Variants in EMILIN2 observed in about 807,000 individuals in gnomAD.
The protein encoded by EMILIN2 is EMILIN-2.
EMILIN2 carries 71 observed loss-of-function variants against 87.1 expected under a neutral mutation model. The observed-to-expected ratio is 0.82, with a 90% confidence interval of 0.67 to 0.99. The LOEUF is 0.99. Among genes scored for constraint, EMILIN2 ranks in the 50% least tolerant of loss-of-function variants. The pLI, the probability that EMILIN2 is intolerant of heterozygous loss-of-function variation, is 0.00. For missense variants in EMILIN2, 1,407 were observed against 1,371.8 expected (o/e 1.03, Z -0.40); for synonymous variants, 581 against 563.4 (o/e 1.03, Z -0.44).
chr18:2,858,605 G>GTATATATA lies in EMILIN2; in HGVS notation c.257+10680_257+10687dup, dbSNP rs552199862. Among the ~76,000 whole-genome samples the GTATATATA allele has an allele frequency of 4.1e-4, 35 of 86,164 alleles. 2 individuals are homozygous for GTATATATA. The highest frequency in any genetic ancestry group is 2.3e-3 in the African/African-American group (32 of 13,748). The allele number at this position is 86,164 out of a possible 152,430, so 56.5% of individuals were successfully genotyped here. ...TGTGTATATATATATATATATATGT[G>GTATATATA]TATATATATATATGTTCCACAGTTT... On this transcript the variant is annotated intron_variant, in intron 2 of 7. Transcript: ENST00000254528.
At chr18:2,887,456 T>TTG (rs2076808537) in intron 3 of EMILIN2, among the ~76,000 whole-genome samples, 1 of 150,806 alleles carries the variant, frequency 6.6e-6, no homozygotes, top group Non-Finnish European at 1.5e-5. Flanking sequence ...CATGAATGGC[T>TTG]TGGTACCCTC....
At chr18:2,889,368 C>T (rs2076821338) in intron 3 of EMILIN2, among the ~76,000 whole-genome samples, 1 of 152,002 alleles carries the variant, frequency 6.6e-6, no homozygotes, top group Admixed American at 6.6e-5. Context: ...GAACTCCTAT[C>T]CTCAAGCAAT....
chr18:2,906,438 C>T (rs2076912428), intron 4 of EMILIN2: 2 of 196,152 alleles, frequency 1.0e-5, no homozygotes, highest in Admixed American at 1.2e-4. Context: ...AGGTCCCTTT[C>T]AGTCACTTGC....
intron 2 of EMILIN2, among the ~76,000 whole-genome samples, chr18:2,874,174 A>G (rs905191431): frequency 6.6e-6 from 1 of 151,992 alleles, no homozygotes. Flanking sequence ...GAGCAAATAA[A>G]CACATTCATG....
In EMILIN2 at chr18:2,891,588, G is replaced by T. The variant is rs771351233; in HGVS notation, c.1461G>T (p.Lys487Asn). 1.2e-6 allele frequency: 2 copies of T among 1,614,080 alleles called. No individual in the cohort carries two copies. The highest frequency in any genetic ancestry group is 1.1e-5 in the South Asian group (1 of 91,082). ...GAINGEVGDL[K>N]QLVDQKIQSL... ...TTAATGGAGAGGTGGGTGACTTGAAGCAGCTTGTTGATCAGAAAATACAGT... is the reference window on the plus strand; with the variant it reads ...TTAATGGAGAGGTGGGTGACTTGAATCAGCTTGTTGATCAGAAAATACAGT... Residue 487 changes from lysine to asparagine, a missense_variant, in exon 4 of 8, where the codon AAG becomes AAT. Lys to Asn is a moderately conservative substitution (Grantham distance 94). Coordinates refer to ENST00000254528, the MANE Select transcript of EMILIN2 (RefSeq NM_032048.3). This position sits in a 1 kb window ranked among gnomAD's most constrained non-coding sequence, Gnocchi z 4.6.
At chr18:2,883,202 T>C (rs556480540) in intron 2 of EMILIN2, among the ~76,000 whole-genome samples, 15 of 108,634 alleles carry the variant, frequency 1.4e-4, no homozygotes, top group East Asian at 4.4e-4. Flanking sequence ...CAGAGTGTAA[T>C]TGTCAGTGTG....
chr18:2,847,663 G>C lies in EMILIN2; in HGVS notation c.135-146G>C, dbSNP rs1056836795. 5.3e-6 allele frequency: 7 copies of C among 1,326,396 alleles called. No homozygotes were observed. In the African/African-American group the frequency reaches 6.0e-5, roughly 11 times the overall value. The allele number at this position is 1,326,396 out of a possible 1,614,324, so 82.2% of individuals were successfully genotyped here. ...GAGGCGCACCCGGGCACCCTCCGGC[G>C]TCTGCTCGGTGAAGCTCCCGCCTCC... On this transcript the variant is annotated intron_variant, in intron 1 of 7. Transcript: ENST00000254528. The surrounding 1 kb of genome is among the most constrained non-coding windows in gnomAD (Gnocchi z 4.5).
At chr18:2,849,610 G>A (rs2076593132) in intron 2 of EMILIN2, among the ~76,000 whole-genome samples, 1 of 152,090 alleles carries the variant, frequency 6.6e-6, no homozygotes, top group South Asian at 2.1e-4. Context: ...CCAGTGAGTA[G>A]GACAACAGAA....
At chr18:2,910,728 T>G (rs2076936718) in intron 7 of EMILIN2, among the ~76,000 whole-genome samples, 1 of 152,214 alleles carries the variant, frequency 6.6e-6, no homozygotes, top group South Asian at 2.1e-4. Flanking sequence ...TTGGTAGTTT[T>G]TAGCCACCCC....
At position 2,907,025 on chromosome 18, in the gene EMILIN2, G is replaced by C; in HGVS notation, c.2602G>C (p.Val868Leu). ...GVSGRGLPRG[V>L]DGQTGSGTVP... The stretch of plus-strand genomic sequence containing the variant: ...GTCTGGGCGGGGTCTGCCGCGGGGC[G>C]TGGACGGCCAGACCGGGAGCGGCAC... The change falls in exon 5 of 8, where the codon GTG becomes CTG. Residue 868 changes from valine to leucine, a missense_variant. Transcript: ENST00000254528. 9 of 1,309,068 alleles carry C rather than the reference G, an allele frequency of 6.9e-6. No individual in the cohort carries two copies. Among genetic ancestry groups the C allele is most frequent in the Non-Finnish European group, 8.7e-6 (9 of 1,033,608 alleles). 81.1% of individuals were successfully genotyped at this position (1,309,068 alleles called of 1,614,324 possible).
Position 2,884,958 on chromosome 18 carries a change from C to A in EMILIN2, c.258-6C>A. On this transcript the variant is annotated splice_region_variant and splice_polypyrimidine_tract_variant and intron_variant, in intron 2 of 7. Transcript: ENST00000254528. ...TAAAGAGAGATGCCATCCCTTCTGT[C>A]CACAGGTATCGAGTGAACTTCAGAC... 6.3e-7 allele frequency: 1 copy of A among 1,591,304 alleles called. No individual in the cohort carries two copies. Among genetic ancestry groups the A allele is most frequent in the Non-Finnish European group, 8.6e-7 (1 of 1,167,772 alleles).
At chr18:2,909,000 C>G (rs772782468) in intron 6 of EMILIN2, 25 bp downstream of exon 6, 114 of 1,612,916 alleles carry the variant, frequency 7.1e-5, no homozygotes, top group Non-Finnish European at 9.5e-5. Context: ...AGACCAGGAG[C>G]AGGAGGAGCG....
rs559374183 is a variant in EMILIN2 at position 2,847,636 on chromosome 18, C to A, written c.135-173C>A. ...TGGTCGGGTCCAGGCGCGCGCTCTC[C>A]AGAGGCGCACCCGGGCACCCTCCGG... On this transcript the variant is annotated intron_variant, in intron 1 of 7. Transcript: ENST00000254528. This position sits in a 1 kb window ranked among gnomAD's most constrained non-coding sequence, Gnocchi z 4.5. Among the ~76,000 whole-genome samples the A allele has an allele frequency of 2.7e-4, 41 of 152,284 alleles. No individual in the cohort carries two copies. Among genetic ancestry groups the A allele is most frequent in the African/African-American group, 7.7e-4 (32 of 41,574 alleles).
At chr18:2,875,550 T>C (rs528273864) in intron 2 of EMILIN2, among the ~76,000 whole-genome samples, 1 of 152,220 alleles carries the variant, frequency 6.6e-6, no homozygotes, top group African/African-American at 2.4e-5. Context: ...TCTTCGATGG[T>C]TCAGCCATGC....
chr18:2,864,786 C>T (rs2076678166), intron 2 of EMILIN2, among the ~76,000 whole-genome samples: 1 of 152,144 alleles, frequency 6.6e-6, no homozygotes, highest in Non-Finnish European at 1.5e-5. Context: ...TGGGGAAGTT[C>T]TCCTGGATAA....
rs1384556171 is a variant in EMILIN2, at chr18:2,909,848, GTCC to G, written c.2824+37_2824+39del. The G allele has an allele frequency of 5.6e-6, 9 of 1,605,680 alleles. No individual in the cohort carries two copies. In the African/African-American group the frequency reaches 6.7e-5, roughly 12 times the overall value. On this transcript the variant is annotated intron_variant, in intron 7 of 7. Transcript: ENST00000254528. ...AGTGTTTGAACGGAACTGGTACTGT[GTCC>G]TCCTCCTACCCCAACGCAGGTGGGA... is the stretch of plus-strand genomic sequence containing the variant.
rs116639601 is a variant in EMILIN2 at position 2,878,528 on chromosome 18, A to G, written c.258-6436A>G. Among the ~76,000 whole-genome samples the G allele has an allele frequency of 7.6e-4, 116 of 152,152 alleles. 2 individuals carry two copies. Among genetic ancestry groups the G allele is most frequent in the Middle Eastern group, 3.4e-3 (1 of 294 alleles). ...AAAAAAAGAGGCTAAATTTCATGTT[A>G]TGTGTATTTTACCAAAACTTGAAAA... On this transcript the variant is annotated intron_variant, in intron 2 of 7. Coordinates refer to ENST00000254528, the MANE Select transcript of EMILIN2 (RefSeq NM_032048.3).
intron 4 of EMILIN2, among the ~76,000 whole-genome samples, chr18:2,903,926 T>G (rs2076898953): frequency 6.6e-6 from 1 of 152,250 alleles, no homozygotes; most frequent in African/African-American, 2.4e-5. Context: ...CTCCCCTTTC[T>G]TTTACTCTCT....
rs552015264 is a variant in EMILIN2, at chr18:2,857,281, A to C, written c.257+9350A>C. Among the ~76,000 whole-genome samples the C allele has an allele frequency of 1.4e-4, 22 of 152,306 alleles. No individual in the cohort carries two copies. The South Asian group carries it at 4.4e-3, about 30-fold the overall frequency. On this transcript the variant is annotated intron_variant, in intron 2 of 7. Coordinates refer to ENST00000254528, the MANE Select transcript of EMILIN2 (RefSeq NM_032048.3). ...GCTGAGACTTTGCAGCTTTTCCCCA[A>C]CTTTTCCCATCTCTGTGCACCTTTG...
Sources: gnomAD v4.1 joint callset for allele counts (sites outside exome capture counted in the v4.1 genomes callset) on GRCh38, gnomAD v4.1.1 for gene constraint, Gnocchi (gnomAD v3.1) non-coding constraint, MANE v1.5 for transcripts, NCBI Gene and HGNC (gene_info 2026-07-23, HGNC 2026-07-21) for gene names.